TRERF1: variants seen among roughly 807,000 people sequenced by gnomAD.
TRERF1 encodes transcriptional-regulating factor 1.
In TRERF1, 27 loss-of-function variants were observed where a neutral mutation model predicts 122.9. The observed-to-expected ratio is 0.22, with a 90% CI of 0.16 to 0.30. The LOEUF (loss-of-function observed/expected upper bound fraction) is 0.30, where lower values mean the gene tolerates loss of function less well. TRERF1 is among the 10% of genes least tolerant of loss of function. TRERF1 has a pLI of 1.00. For missense variants in TRERF1, 1,248 were observed against 1,560.3 expected (o/e 0.80, Z 3.37); for synonymous variants, 636 against 641.7 (o/e 0.99, Z 0.13).
At chr6:42,315,717 C>CA (rs139480413) in intron 3 of TRERF1, among the ~76,000 whole-genome samples, 6 of 145,182 alleles carry the variant, frequency 4.1e-5, no homozygotes, top group East Asian at 2.1e-4. Flanking sequence ...CCCCCCCCCC[C>CA]ACCCACTGCC....
At chr6:42,239,335 G>A (rs952049277) in intron 15 of TRERF1, among the ~76,000 whole-genome samples, 2 of 152,118 alleles carry the variant, frequency 1.3e-5, no homozygotes, top group Admixed American at 1.3e-4. Context: ...CCTGAGTCGG[G>A]GAGCATGAGC....
chr6:42,231,648 T>C (rs1343536976), intron 17 of TRERF1, among the ~76,000 whole-genome samples: 5 of 152,208 alleles, frequency 3.3e-5, no homozygotes, highest in African/African-American at 1.2e-4. Context: ...ATGTAATTCA[T>C]AACAATGTAG....
chr6:42,432,405 G>T (rs1188042205), intron 2 of TRERF1, among the ~76,000 whole-genome samples: 1 of 152,158 alleles, frequency 6.6e-6, no homozygotes, highest in African/African-American at 2.4e-5. Context: ...TGAATAAAAT[G>T]CTTCAGCAAA....
intron 3 of TRERF1, among the ~76,000 whole-genome samples, chr6:42,337,009 G>A (rs1381706032): frequency 6.6e-6 from 1 of 152,222 alleles, no homozygotes; most frequent in Non-Finnish European, 1.5e-5. Context: ...GGCAGGGGGT[G>A]CGTGCAGAAG....
intron 2 of TRERF1, among the ~76,000 whole-genome samples, chr6:42,407,828 C>T (rs1403709122): frequency 1.3e-5 from 2 of 151,396 alleles, no homozygotes; most frequent in African/African-American, 4.9e-5. Context: ...TTCTTATGGA[C>T]GTGTGCGCAC....
At chr6:42,320,464 C>T (rs2150444834) in intron 3 of TRERF1, among the ~76,000 whole-genome samples, 1 of 151,960 alleles carries the variant, frequency 6.6e-6, no homozygotes, top group African/African-American at 2.4e-5. Context: ...CATTTATACC[C>T]TCTCCATTTG....
chr6:42,268,239 C>A lies in TRERF1; in HGVS notation c.1352G>T (p.Arg451Leu). The A allele has an allele frequency of 6.7e-7, 1 of 1,495,086 alleles. No homozygotes were observed. The highest frequency in any genetic ancestry group is 1.4e-5 in the African/African-American group (1 of 71,240). The allele number at this position is 1,495,086 out of a possible 1,614,324, so 92.6% of individuals were successfully genotyped here. Residue 451 changes from arginine (R) to leucine (L), a missense_variant, in exon 5 of 18, where the codon CGC becomes CTC. Physicochemically the swap from Arg to Leu is moderately radical, Grantham distance 102. Around this residue, in one of 5 missense-constraint regions of TRERF1, gnomAD observed 946 missense variants for 1,073.0 expected, o/e 0.88. Transcript: ENST00000372922. This position sits in a 1 kb window ranked among gnomAD's most constrained non-coding sequence, Gnocchi z 4.4. Reference sequence around the variant, plus strand: ...GATCCCACTGGGGGATAGGAGGGGGCGATGGGGGAGGGTGCTGCTGACCCG... The same window carrying A: ...GATCCCACTGGGGGATAGGAGGGGGAGATGGGGGAGGGTGCTGCTGACCCG...
intron 2 of TRERF1, among the ~76,000 whole-genome samples, chr6:42,434,710 A>ACACACACACACACC (rs1554218671): frequency 6.8e-6 from 1 of 147,350 alleles, no homozygotes; most frequent in African/African-American, 2.5e-5. Flanking sequence ...ACACACACAC[A>ACACACACACACACC]CCCCTAATAG....
intron 2 of TRERF1, among the ~76,000 whole-genome samples, chr6:42,433,618 C>T (rs1360519586): frequency 6.6e-6 from 1 of 152,122 alleles, no homozygotes; most frequent in Admixed American, 6.5e-5. Context: ...ACTCAAACAA[C>T]AATCACCAAG....
rs1056838891 is a variant in TRERF1 at position 42,336,684 on chromosome 6, G to A, written c.-371+26313C>T. 4.6e-5 allele frequency among the ~76,000 whole-genome samples: 7 copies of A among 152,142 alleles called. No individual in the cohort carries two copies. The East Asian group carries it at 5.8e-4, about 13-fold the overall frequency. ...CAGACCGTTCACCTCCCAACTTGGC[G>A]GAGGAGCATGAACTAAGTAAGGAAA... is the stretch of plus-strand genomic sequence containing the variant. On this transcript the variant is annotated intron_variant, in intron 3 of 17. Transcript: ENST00000372922.
intron 2 of TRERF1, among the ~76,000 whole-genome samples, chr6:42,430,111 C>T (rs1204805553): frequency 6.6e-6 from 1 of 151,652 alleles, no homozygotes; most frequent in African/African-American, 2.4e-5. Flanking sequence ...AAGACAGGGC[C>T]TCAGGGGGGC....
chr6:42,424,712 T>C (rs1783339181), intron 2 of TRERF1, among the ~76,000 whole-genome samples: 2 of 152,168 alleles, frequency 1.3e-5, no homozygotes, highest in Non-Finnish European at 2.9e-5. Context: ...CGTTTGCCCA[T>C]CGAACAGGGA....
intron 3 of TRERF1, among the ~76,000 whole-genome samples, chr6:42,336,111 C>T (rs943830908): frequency 2.6e-5 from 4 of 152,186 alleles, no homozygotes; most frequent in African/African-American, 9.7e-5. Context: ...CAGCGCAGGC[C>T]TAATCCCCAC....
At chr6:42,425,675 C>T (rs1169049489) in intron 2 of TRERF1, among the ~76,000 whole-genome samples, 1 of 151,136 alleles carries the variant, frequency 6.6e-6, no homozygotes, top group Admixed American at 6.6e-5. Flanking sequence ...TCCCGAGTAG[C>T]TGGGATTACA....
chr6:42,265,248 G>A (rs960502713), intron 6 of TRERF1, among the ~76,000 whole-genome samples: 3 of 152,204 alleles, frequency 2.0e-5, no homozygotes, highest in Admixed American at 6.5e-5. Flanking sequence ...CGTACTGCAC[G>A]CTTCAGCAGT....
At chr6:42,250,661 C>CT (rs1775589130) in intron 13 of TRERF1, among the ~76,000 whole-genome samples, 1 of 152,062 alleles carries the variant, frequency 6.6e-6, no homozygotes, top group South Asian at 2.1e-4. Flanking sequence ...GTTGAGAGTC[C>CT]CCCCACACTC....
rs185740233 is a variant in TRERF1 at position 42,361,622 on chromosome 6, A to G, written c.-371+1375T>C. ...TCCTACCATCCCTCACAGCCGGCAC[A>G]TCTACGTAGCTGACCTCACAATGCA... On this transcript the variant is annotated intron_variant, in intron 3 of 17. Transcript: ENST00000372922. 7.9e-5 allele frequency among the ~76,000 whole-genome samples: 12 copies of G among 152,324 alleles called. No individual in the cohort carries two copies. In the East Asian group the frequency reaches 2.1e-3, roughly 27 times the overall value.
chr6:42,321,421 A>G (rs1763434223), intron 3 of TRERF1, among the ~76,000 whole-genome samples: 1 of 152,110 alleles, frequency 6.6e-6, no homozygotes, highest in Non-Finnish European at 1.5e-5. Context: ...AAAAATGAGG[A>G]TATAATAACA....
At chr6:42,234,771 A>T (rs1273432799) in intron 16 of TRERF1, among the ~76,000 whole-genome samples, 1 of 152,246 alleles carries the variant, frequency 6.6e-6, no homozygotes, top group East Asian at 1.9e-4. Flanking sequence ...GTCATTAAAA[A>T]ATATCTTTTC....
Sources: allele counts gnomAD v4.1 joint callset (sites outside exome capture counted in the v4.1 genomes callset), GRCh38; gene constraint gnomAD v4.1.1; regional missense constraint gnomAD v4.1.1; non-coding constraint Gnocchi (gnomAD v3.1); transcripts MANE v1.5; gene names NCBI Gene and HGNC (gene_info 2026-07-23, HGNC 2026-07-21).